Variants in EIF4B observed in about 807,000 individuals in gnomAD.
EIF4B encodes eukaryotic translation initiation factor 4B.
In EIF4B, 8 loss-of-function variants were observed where a neutral mutation model predicts 79.3. The observed-to-expected ratio is 0.10, with a 90% confidence interval of 0.06 to 0.18. The LOEUF is 0.18. EIF4B is among the 10% of genes least tolerant of loss of function. The probability of loss-of-function intolerance (pLI) is 1.00; values close to 1 mark genes in which losing one functional copy is unlikely to be tolerated. For synonymous variants in EIF4B, 238 were observed against 274.7 expected (o/e 0.87, Z 1.32); for missense variants, 515 against 792.4 (o/e 0.65, Z 4.20).
intron 1 of EIF4B, among the ~76,000 whole-genome samples, chr12:53,007,420 C>CTTTTTTTTT (rs56017954): frequency 2.2e-5 from 2 of 92,248 alleles, no homozygotes; most frequent in African/African-American, 1.0e-4. Context: ...AGATTTCAGC[C>CTTTTTTTTT]TTTTTTTTTT....
At chr12:53,037,901 G>T in intron 11 of EIF4B, 2 of 450,702 alleles carry the variant, frequency 4.4e-6, no homozygotes, top group Non-Finnish European at 8.0e-6. Flanking sequence ...GCCACATATT[G>T]GCAGTATGGT....
intron 8 of EIF4B, among the ~76,000 whole-genome samples, chr12:53,032,213 A>G (rs1028087823): frequency 3.3e-5 from 5 of 152,208 alleles, no homozygotes; most frequent in African/African-American, 1.2e-4. Context: ...AAGCCAAGGC[A>G]AGCGGATCAC....
chr12:53,008,277 A>G (rs1943002132), intron 1 of EIF4B, among the ~76,000 whole-genome samples: 1 of 152,154 alleles, frequency 6.6e-6, no homozygotes, highest in South Asian at 2.1e-4. Flanking sequence ...GATAAAAGGG[A>G]TTTACTCTGA....
Position 53,022,633 on chromosome 12 carries a change from T to TTTGTTTTTA in EIF4B, c.667+8_667+16dup. The stretch of plus-strand genomic sequence containing the variant: ...TGATGATAGCTTTGGAGACAGTAAG[T>TTTGTTTTTA]TTGTTTTTATGAAGTTAGCTTCCTC... On this transcript the variant is annotated splice_region_variant and intron_variant, in intron 6 of 14. Coordinates refer to ENST00000262056, the MANE Select transcript of EIF4B (RefSeq NM_001417.7). 1 of 1,612,822 alleles carries TTTGTTTTTA rather than the reference T, an allele frequency of 6.2e-7. No homozygotes were observed. The highest frequency in any genetic ancestry group is 8.5e-7 in the Non-Finnish European group (1 of 1,179,482).
chr12:53,007,078 C>G (rs1209663791), intron 1 of EIF4B, among the ~76,000 whole-genome samples: 2 of 152,150 alleles, frequency 1.3e-5, no homozygotes, highest in Non-Finnish European at 2.9e-5. Flanking sequence ...GCGCTAGAAC[C>G]CAGATGGGAA....
At chr12:53,034,134 T>G in intron 9 of EIF4B, 100 bp downstream of exon 9, 1 of 1,231,640 alleles carries the variant, frequency 8.1e-7, no homozygotes, top group Non-Finnish European at 1.1e-6. Context: ...CGTTATCACA[T>G]TAGTGGTTGT....
intron 6 of EIF4B, chr12:53,025,412 G>C: frequency 5.5e-6 from 2 of 361,768 alleles, no homozygotes; most frequent in South Asian, 2.2e-5. Flanking sequence ...TAAAGATCCA[G>C]AGACTCCTGT....
At position 53,014,772 on chromosome 12, in the gene EIF4B, A is replaced by G. The variant is rs148815962; in HGVS notation, c.14-1701A>G. ...TTAAAAATCAGGTGACAATTGGAAC[A>G]TGGAGGAGAAATTCATGATTATAAA... On this transcript the variant is annotated intron_variant, in intron 1 of 14. Coordinates refer to ENST00000262056, the MANE Select transcript of EIF4B (RefSeq NM_001417.7). The G allele has an allele frequency of 2.3e-3, 349 of 152,348 alleles. 1 individual carries two copies. The highest frequency in any genetic ancestry group is 7.3e-3 in the African/African-American group (304 of 41,584). The allele number at this position is 152,348 out of a possible 1,614,324, so 9.4% of individuals were successfully genotyped here.
At position 53,006,625 on chromosome 12, in the gene EIF4B, T is replaced by G; in HGVS notation, c.13+129T>G. 3.3e-6 allele frequency: 5 copies of G among 1,521,044 alleles called. No individual in the cohort carries two copies. In the South Asian group the frequency reaches 5.9e-5, roughly 18 times the overall value. The allele number at this position is 1,521,044 out of a possible 1,614,324, so 94.2% of individuals were successfully genotyped here. On this transcript the variant is annotated intron_variant, in intron 1 of 14. Transcript: ENST00000262056. ...TTCTGAATTGAGGGCTGCGGCAGGC[T>G]GGCGGCGTGGCCCTGTTAGGTTACT...
intron 1 of EIF4B, among the ~76,000 whole-genome samples, chr12:53,007,048 C>CG (rs1183413124): frequency 6.6e-6 from 1 of 152,162 alleles, no homozygotes; most frequent in Admixed American, 6.5e-5. Flanking sequence ...GTAGTAGAGA[C>CG]GGGCGCGCCT....
chr12:53,028,112 A>T lies in EIF4B; in HGVS notation c.903A>T (p.Arg301=), dbSNP rs761167317. Residue 301 remains arginine, a synonymous_variant, in exon 8 of 15, where the codon CGA becomes CGT. Transcript: ENST00000262056. ...GAGGCGGGGACCGCTATGAAGACCG[A>T]TATGACAGACGGGATGATCGGTCGT... ...YRGGGDRYED[R]YDRRDDRSWS... 1.9e-6 allele frequency: 3 copies of T among 1,614,094 alleles called. No homozygotes were observed. Among genetic ancestry groups the T allele is most frequent in the South Asian group, 2.2e-5 (2 of 91,064 alleles).
intron 8 of EIF4B, among the ~76,000 whole-genome samples, chr12:53,031,019 T>C (rs4919718): frequency 0.81 from 122,174 of 151,720 alleles, 51,287 homozygotes; most frequent in Non-Finnish European, 0.93. Context: ...CCTCTAAGAT[T>C]TGCCCTCTTG....
intron 1 of EIF4B, among the ~76,000 whole-genome samples, chr12:53,010,226 T>C (rs1943041690): frequency 6.6e-6 from 1 of 152,162 alleles, no homozygotes; most frequent in Non-Finnish European, 1.5e-5. Context: ...AATGAAGTAA[T>C]TGGGCACAGA....
chr12:53,037,164 T>A (rs1293164747), intron 10 of EIF4B, among the ~76,000 whole-genome samples: 1 of 152,234 alleles, frequency 6.6e-6, no homozygotes, highest in Admixed American at 6.5e-5. Context: ...TAAAGGATAC[T>A]CATTCCTAAA....
chr12:53,012,039 T>C lies in EIF4B; in HGVS notation c.14-4434T>C, dbSNP rs576301424. The C allele has an allele frequency of 2.0e-5, 3 of 152,284 alleles. No individual in the cohort carries two copies. In the South Asian group the frequency reaches 6.2e-4, roughly 32 times the overall value. 9.4% of individuals were successfully genotyped at this position (152,284 alleles called of 1,614,324 possible). On this transcript the variant is annotated intron_variant, in intron 1 of 14. Transcript: ENST00000262056. ...CTAAACATGTAATGGGCCTAGGTAT[T>C]GAGGGAGCAAAGGGCATGGAGGATT...
chr12:53,036,561 A>G (rs566361768), intron 10 of EIF4B, among the ~76,000 whole-genome samples: 1 of 152,030 alleles, frequency 6.6e-6, no homozygotes, highest in East Asian at 1.9e-4. Flanking sequence ...GGTGCACGCA[A>G]CCATGCCTGG....
chr12:53,036,544 T>C (rs1033894368), intron 10 of EIF4B, among the ~76,000 whole-genome samples: 24 of 152,060 alleles, frequency 1.6e-4, no homozygotes, highest in African/African-American at 5.1e-4. Context: ...GTAGCTGTTA[T>C]ACGACGGGTG....
intron 8 of EIF4B, among the ~76,000 whole-genome samples, chr12:53,029,519 G>T (rs1053792289): frequency 1.3e-5 from 2 of 152,004 alleles, no homozygotes; most frequent in African/African-American, 4.8e-5. Context: ...GGGACTACAG[G>T]TGCACGCCAC....
At chr12:53,037,927 T>C (rs1943566135) in intron 11 of EIF4B, 1 of 375,778 alleles carries the variant, frequency 2.7e-6, no homozygotes, top group Admixed American at 4.4e-5. Context: ...GTAACTTCCT[T>C]TCATTTCTCT....
Sources: allele counts gnomAD v4.1 joint callset (sites outside exome capture counted in the v4.1 genomes callset), GRCh38; gene constraint gnomAD v4.1.1; transcripts MANE v1.5; gene names NCBI Gene and HGNC (gene_info 2026-07-23, HGNC 2026-07-21).